The following DIP2A variants were observed in gnomAD, a reference collection of about 807,000 sequenced individuals.
DIP2A encodes the protein disco-interacting protein 2 homolog A.
A neutral mutation model predicts 177.4 loss-of-function variants in DIP2A; 85 were observed. The observed-to-expected ratio is 0.48, with a 90% CI of 0.40 to 0.57. The LOEUF (loss-of-function observed/expected upper bound fraction) is 0.57, where lower values mean the gene tolerates loss of function less well. DIP2A is among the 20% of genes least tolerant of loss of function. The pLI is 0.00. For missense variants in DIP2A, 1,791 were observed against 2,100.2 expected, an observed-to-expected ratio of 0.85 and a Z score of 2.88; for synonymous variants, 886 against 881.8, an observed-to-expected ratio of 1.00 and a Z score of -0.08.
chr21:46,545,263 A>G lies in DIP2A; in HGVS notation c.2303A>G (p.Asn768Ser), dbSNP rs1025619814. The G allele has an allele frequency of 1.3e-6, 2 of 1,597,140 alleles. No individual in the cohort carries two copies. Among genetic ancestry groups the G allele is most frequent in the Admixed American group, 1.7e-5 (1 of 59,272 alleles). The change falls in exon 19 of 38, where the codon AAT becomes AGT. Residue 768 changes from asparagine to serine, a missense_variant. Asn to Ser is a conservative substitution (Grantham distance 46). Transcript: ENST00000417564. ...TATGGATTGCTTGGAATCACGAAGAATGTGTTTGAGGTTTGTCCCTTTTCC... is the reference window on the plus strand; with the variant it reads ...TATGGATTGCTTGGAATCACGAAGAGTGTGTTTGAGGTTTGTCCCTTTTCC... Reference protein sequence around the residue: ...AYYGLLGITKNVFEAVPVTTG... With the variant: ...AYYGLLGITKSVFEAVPVTTG...
intron 1 of DIP2A, among the ~76,000 whole-genome samples, chr21:46,459,510 C>T (rs1190212919): frequency 1.6e-5 from 2 of 122,974 alleles, no homozygotes; most frequent in Non-Finnish European, 3.6e-5. Context: ...CGGCCCCTTA[C>T]CCCCGGGAAC....
rs772446258 is a variant in DIP2A at position 46,498,560 on chromosome 21, G to A, written c.404-22G>A. On this transcript the variant is annotated intron_variant, in intron 4 of 37. Transcript: ENST00000417564. The surrounding 1 kb of genome is among the most constrained non-coding windows in gnomAD (Gnocchi z 4.3). ...CTTGACTCATCCCGATATCATGCCT[G>A]TCATCGTTATTTTAACCACAGACAC... 9 of 1,588,766 alleles carry A rather than the reference G, an allele frequency of 5.7e-6. No individual in the cohort carries two copies. The highest frequency in any genetic ancestry group is 3.4e-5 in the Admixed American group (2 of 58,942).
In DIP2A at chr21:46,478,257, G is replaced by C. The variant is rs560110265; in HGVS notation, c.92-6500G>C. ...GAGGGAGTTTCGCTCTTGTTGCCCA[G>C]GCTGGAGTGCAATGGCGCGATCCCG... On this transcript the variant is annotated intron_variant, in intron 1 of 37. Transcript: ENST00000417564. Among the ~76,000 whole-genome samples the C allele has an allele frequency of 3.6e-4, 55 of 151,520 alleles. No homozygotes were observed. In the South Asian group the frequency reaches 0.011, roughly 31 times the overall value.
At chr21:46,526,123 T>C (rs1006857738) in intron 8 of DIP2A, among the ~76,000 whole-genome samples, 5 of 151,880 alleles carry the variant, frequency 3.3e-5, no homozygotes, top group Non-Finnish European at 7.4e-5. Context: ...TTGGCCAGGC[T>C]GGTCTCGAAC....
Position 46,537,684 on chromosome 21 carries a change from C to A in DIP2A, c.1801+145C>A, listed in dbSNP as rs1037010156. ...TGTGGGACGTCTTTCTTGGTCACACCCCTGCCCAGGAATATGGGGGCTTTC... is the reference window on the plus strand; with the variant it reads ...TGTGGGACGTCTTTCTTGGTCACACACCTGCCCAGGAATATGGGGGCTTTC... On this transcript the variant is annotated intron_variant, in intron 15 of 37. Transcript: ENST00000417564. This position sits in a 1 kb window ranked among gnomAD's most constrained non-coding sequence, Gnocchi z 4.1. 3.8e-6 allele frequency: 3 copies of A among 795,728 alleles called. No individual in the cohort carries two copies. In the African/African-American group the frequency reaches 5.2e-5, roughly 14 times the overall value. The allele number at this position is 795,728 out of a possible 1,614,324, so 49.3% of individuals were successfully genotyped here.
chr21:46,571,300 C>T (rs1356277275), downstream of DIP2A, among the ~76,000 whole-genome samples: 1 of 152,186 alleles, frequency 6.6e-6, no homozygotes, highest in Non-Finnish European at 1.5e-5. Flanking sequence ...TTCCACAAAA[C>T]CAGTCGCTGG....
chr21:46,527,948 CTT>C (rs2059174238), intron 8 of DIP2A, among the ~76,000 whole-genome samples: 1 of 152,096 alleles, frequency 6.6e-6, no homozygotes, highest in South Asian at 2.1e-4. Context: ...TAGGCTTTTC[CTT>C]TCTCTATTGT....
chr21:46,556,955 C>A lies in DIP2A; in HGVS notation c.3515C>A (p.Thr1172Lys). ...LAGVKMSHAATSALCRSIKLQ... is the reference protein window; with the variant it reads ...LAGVKMSHAAKSALCRSIKLQ... ...ACTCTTAAGATGTCGCACGCGGCCA[C>A]AAGCGCCTTATGCCGCTCCATAAAG... Residue 1172 changes from threonine to lysine, a missense_variant, in exon 30 of 38, where the codon ACA (threonine) becomes AAA (lysine). Thr to Lys is a moderately conservative substitution (Grantham distance 78). Transcript: ENST00000417564. The surrounding 1 kb of genome is among the most constrained non-coding windows in gnomAD (Gnocchi z 4.5). The A allele has an allele frequency of 6.3e-7, 1 of 1,577,994 alleles. No individual in the cohort carries two copies. Among genetic ancestry groups the A allele is most frequent in the African/African-American group, 1.3e-5 (1 of 74,162 alleles).
rs961062694 is a variant in DIP2A, at chr21:46,563,537, C to T, written c.4090-321C>T. 3.0e-5 allele frequency: 10 copies of T among 331,478 alleles called. No homozygotes were observed. Among genetic ancestry groups the T allele is most frequent in the Non-Finnish European group, 4.6e-5 (8 of 172,178 alleles). The allele number at this position is 331,478 out of a possible 1,614,324, so 20.5% of individuals were successfully genotyped here. On this transcript the variant is annotated intron_variant, in intron 34 of 37. Transcript: ENST00000417564. This position sits in a 1 kb window ranked among gnomAD's most constrained non-coding sequence, Gnocchi z 4.3. ...GGCTGGGCACAGCAGGGTCACTGCACCCCTGGATGGATGCCCATCAGGTGC... is the reference window on the plus strand; with the variant it reads ...GGCTGGGCACAGCAGGGTCACTGCATCCCTGGATGGATGCCCATCAGGTGC...
At position 46,510,670 on chromosome 21, in the gene DIP2A, G is replaced by T. The variant is rs571825560; in HGVS notation, c.905-747G>T. On this transcript the variant is annotated intron_variant, in intron 7 of 37. Coordinates refer to ENST00000417564, the MANE Select transcript of DIP2A (RefSeq NM_015151.4). Reference sequence around the variant, plus strand: ...TTTTGAGGCAGAGTCTCACTCTGTCGCCCAGGCTGGAGTGCAGTGGTGCGA... The same window carrying T: ...TTTTGAGGCAGAGTCTCACTCTGTCTCCCAGGCTGGAGTGCAGTGGTGCGA... 8.6e-5 allele frequency among the ~76,000 whole-genome samples: 11 copies of T among 127,290 alleles called. No individual in the cohort carries two copies. In the Admixed American group the frequency reaches 8.7e-4, roughly 10 times the overall value. The allele number at this position is 127,290 out of a possible 152,430, so 83.5% of individuals were successfully genotyped here. A position where few individuals can be genotyped will look rare whatever the true frequency, so the allele number is the denominator to read the frequency against.
rs372554410 is a variant in DIP2A at position 46,511,534 on chromosome 21, G to A, written c.1022G>A (p.Arg341His). 9.9e-6 allele frequency: 16 copies of A among 1,610,838 alleles called. No individual in the cohort carries two copies. Among genetic ancestry groups the A allele is most frequent in the Admixed American group, 3.4e-5 (2 of 59,352 alleles). ...RPPSLLATLQ[R>H]WGTTQPKSPC... ...CCGTCGCTGTTGGCCACCTTGCAGC[G>A]CTGGGGCACAACACAGCCCAAATCC... The change falls in exon 8 of 38, where the codon CGC (arginine) becomes CAC (histidine). Residue 341 changes from arginine to histidine, a missense_variant. Transcript: ENST00000417564.
intron 1 of DIP2A, among the ~76,000 whole-genome samples, chr21:46,465,389 A>G (rs2054722319): frequency 1.3e-5 from 2 of 150,414 alleles, no homozygotes; most frequent in Non-Finnish European, 3.0e-5. Flanking sequence ...CCAACATGAC[A>G]AAACCCCGTT....
At chr21:46,465,416 A>AC (rs2054729636) in intron 1 of DIP2A, among the ~76,000 whole-genome samples, 1 of 151,590 alleles carries the variant, frequency 6.6e-6, no homozygotes, top group South Asian at 2.1e-4. Context: ...AAATATAACA[A>AC]AAAAAAAATT....
chr21:46,508,223 G>T (rs1252539044), intron 6 of DIP2A, among the ~76,000 whole-genome samples: 1 of 151,462 alleles, frequency 6.6e-6, no homozygotes, highest in Admixed American at 6.6e-5. Context: ...TAAATTTTTT[G>T]TAGAGACAGG....
At position 46,469,709 on chromosome 21, in the gene DIP2A, C is replaced by T. The variant is rs533024288; in HGVS notation, c.91+10487C>T. Among the ~76,000 whole-genome samples, 26 of 152,308 alleles carry T rather than the reference C, an allele frequency of 1.7e-4. No individual in the cohort carries two copies. In the East Asian group the frequency reaches 2.9e-3, roughly 17 times the overall value. On this transcript the variant is annotated intron_variant, in intron 1 of 37. Coordinates refer to ENST00000417564, the MANE Select transcript of DIP2A (RefSeq NM_015151.4). ...CTCAAGGACTCCTCATTGGCCTGGCCGGAACTTTCTTAGTGCTGCCTTTAG... is the reference window on the plus strand; with the variant it reads ...CTCAAGGACTCCTCATTGGCCTGGCTGGAACTTTCTTAGTGCTGCCTTTAG...
intron 5 of DIP2A, among the ~76,000 whole-genome samples, chr21:46,501,216 G>A (rs974722126): frequency 2.0e-5 from 3 of 152,142 alleles, no homozygotes; most frequent in African/African-American, 7.2e-5. Context: ...AAAATTCGAG[G>A]TAGAACATAT....
chr21:46,567,616 C>A lies in DIP2A; in HGVS notation c.4710C>A (p.Asn1570Lys). ...DQLDPIYVAY[N>K]M Reference sequence around the variant, plus strand: ...TGGACCCCATCTATGTCGCCTACAACATGTGAGCGCAGCACACCGGCCCAG... The same window carrying A: ...TGGACCCCATCTATGTCGCCTACAAAATGTGAGCGCAGCACACCGGCCCAG... The change falls in exon 38 of 38, where the codon AAC (asparagine) becomes AAA (lysine). Residue 1570 changes from asparagine to lysine, a missense_variant. Coordinates refer to ENST00000417564, the MANE Select transcript of DIP2A (RefSeq NM_015151.4). 6.3e-7 allele frequency: 1 copy of A among 1,591,214 alleles called. No homozygotes were observed. The highest frequency in any genetic ancestry group is 1.2e-5 in the South Asian group (1 of 86,800).
intron 3 of DIP2A, 101 bp downstream of exon 3, chr21:46,490,820 G>C: frequency 7.3e-7 from 1 of 1,376,738 alleles, no homozygotes. Flanking sequence ...CACAATATCT[G>C]CCAAAGAAAT....
rs1569103620 is a variant in DIP2A at position 46,554,989 on chromosome 21, G to A, written c.3388+56G>A. On this transcript the variant is annotated intron_variant, in intron 28 of 37. Transcript: ENST00000417564. Reference sequence around the variant, plus strand: ...CCCTTTTCCTTTCTTTGTTGTAGGTGTGGTGTGGCCTGGCTGCCGTCCAAA... The same window carrying A: ...CCCTTTTCCTTTCTTTGTTGTAGGTATGGTGTGGCCTGGCTGCCGTCCAAA... 6 of 1,511,278 alleles carry A rather than the reference G, an allele frequency of 4.0e-6. No homozygotes were observed. In the South Asian group the frequency reaches 6.0e-5, roughly 15 times the overall value. 93.6% of individuals were successfully genotyped at this position (1,511,278 alleles called of 1,614,324 possible).
Sources: gnomAD v4.1 joint callset for allele counts (sites outside exome capture counted in the v4.1 genomes callset) on GRCh38, gnomAD v4.1.1 for gene constraint, Gnocchi (gnomAD v3.1) non-coding constraint, MANE v1.5 for transcripts, NCBI Gene and HGNC (gene_info 2026-07-23, HGNC 2026-07-21) for gene names.